ZNF28: variants seen among roughly 807,000 people sequenced by gnomAD.
ZNF28 encodes the protein zinc finger protein 28.
In ZNF28, 5 loss-of-function variants were observed where a neutral mutation model predicts 7.2. That is an observed-to-expected ratio of 0.70 (90% CI 0.36 to 1.46). The LOEUF is 1.46. ZNF28 is among the 40% of genes most tolerant of loss of function. The pLI is 0.03. For synonymous variants in ZNF28, 288 were observed against 292.4 expected (o/e 0.99, Z 0.15); for missense variants, 879 against 866.6 (o/e 1.01, Z -0.18).
chr19:52,800,256 T>G lies in ZNF28; in HGVS notation c.1589A>C (p.Lys530Thr). The change falls in exon 4 of 4, where the codon AAG (lysine) becomes ACG (threonine). Residue 530 changes from lysine (K) to threonine (T), a missense_variant. Physicochemically the swap from Lys to Thr is moderately conservative, Grantham distance 78. Around this residue, in one of 2 missense-constraint regions of ZNF28, gnomAD observed 864 missense variants for 830.2 expected, o/e 1.04. Transcript: ENST00000457749. ...AAGGTTTGCTTTTGTACTAAAAACC[T>G]TGCCACATTCATTACACATGTATGG... ...EKPYMCNECG[K>T]VFSTKANLAC... 6.2e-7 allele frequency: 1 copy of G among 1,613,646 alleles called. No individual in the cohort carries two copies. The highest frequency in any genetic ancestry group is 8.5e-7 in the Non-Finnish European group (1 of 1,179,842).
At chr19:52,810,249 C>A in intron 2 of ZNF28, 1 of 1,279,896 alleles carries the variant, frequency 7.8e-7, no homozygotes, top group Non-Finnish European at 1.1e-6. Flanking sequence ...GAGTCTACCT[C>A]CAGGCAATGC....
intron 3 of ZNF28, among the ~76,000 whole-genome samples, chr19:52,802,114 T>C (rs1003825010): frequency 6.6e-6 from 1 of 152,236 alleles, no homozygotes; most frequent in African/African-American, 2.4e-5. Flanking sequence ...TATACTATAT[T>C]GGTAAATAAT....
At chr19:52,807,659 C>G (rs745722080) in intron 3 of ZNF28, among the ~76,000 whole-genome samples, 2 of 152,128 alleles carry the variant, frequency 1.3e-5, no homozygotes, top group Admixed American at 6.6e-5. Context: ...ATTTTTAGTA[C>G]AGACAGGGTT....
chr19:52,817,153 G>A (rs1359460584), intron 2 of ZNF28, among the ~76,000 whole-genome samples: 1 of 151,986 alleles, frequency 6.6e-6, no homozygotes, highest in African/African-American at 2.4e-5. Flanking sequence ...TAGGCGGATC[G>A]CCTGAGGTCG....
At chr19:52,809,808 A>C (rs1163940455) in intron 2 of ZNF28, 1 of 414,844 alleles carries the variant, frequency 2.4e-6, no homozygotes, top group South Asian at 2.9e-5. Flanking sequence ...AAAGGAGCCC[A>C]GTCTGAGCGG....
intron 1 of ZNF28, among the ~76,000 whole-genome samples, chr19:52,819,025 T>C (rs28386815): frequency 0.56 from 75,650 of 135,746 alleles, 24,478 homozygotes; most frequent in Non-Finnish European, 0.68. Flanking sequence ...TGAGCCTAGA[T>C]CTGAAGGAGA....
intron 2 of ZNF28, among the ~76,000 whole-genome samples, chr19:52,816,684 T>G: frequency 8.4e-6 from 1 of 119,294 alleles, no homozygotes. Context: ...AAAAAAAAAT[T>G]AGTTGGGGAT....
rs2063124959 is a variant in ZNF28, at chr19:52,816,447, G to A, written c.15+1497C>T. 1.4e-5 allele frequency among the ~76,000 whole-genome samples: 2 copies of A among 145,524 alleles called. 1 individual carries two copies. The highest frequency in any genetic ancestry group is 1.4e-4 in the Admixed American group (2 of 14,448). ...TGGGAGGCTGAGGTGGGAGGATAAC[G>A]AGGTCAGGAGATTGAGACCATCCTG... On this transcript the variant is annotated intron_variant, in intron 2 of 3. Coordinates refer to ENST00000457749, the MANE Select transcript of ZNF28 (RefSeq NM_006969.5).
rs745375611 is a variant in ZNF28, at chr19:52,800,389, T to C, written c.1456A>G (p.Arg486Gly). Residue 486 changes from arginine to glycine, a missense_variant, in exon 4 of 4, where the codon AGG (arginine) becomes GGG (glycine). Around this residue, in one of 2 missense-constraint regions of ZNF28, gnomAD observed 864 missense variants for 830.2 expected, o/e 1.04. Transcript: ENST00000457749. ...GGTTTCTCTCCAGTATGAATCCTCC[T>C]ATGTCTTTCAAGGTGTGATTTGCAC... Reference protein sequence around the residue: ...FRCKSHLERHRRIHTGEKPYK... With the variant: ...FRCKSHLERHGRIHTGEKPYK... 1.2e-6 allele frequency: 2 copies of C among 1,613,978 alleles called. No homozygotes were observed. The highest frequency in any genetic ancestry group is 1.7e-6 in the Non-Finnish European group (2 of 1,179,864).
Position 52,799,457 on chromosome 19 carries a change from A to T in ZNF28, c.*231T>A. 1.2e-6 allele frequency: 1 copy of T among 840,642 alleles called. No individual in the cohort carries two copies. Among genetic ancestry groups the T allele is most frequent in the Non-Finnish European group, 1.9e-6 (1 of 519,684 alleles). The allele number at this position is 840,642 out of a possible 1,614,324, so 52.1% of individuals were successfully genotyped here. On this transcript the variant is annotated 3_prime_UTR_variant, in exon 4 of 4. Coordinates refer to ENST00000457749, the MANE Select transcript of ZNF28 (RefSeq NM_006969.5). ...ATTTGTAAAGTTTCTCTGCAGTATG[A>T]ATTCTATGATGACGTGCAAGGGTTG...
Position 52,800,784 on chromosome 19 carries a change from G to T in ZNF28, c.1061C>A (p.Pro354His). 3.7e-6 allele frequency: 6 copies of T among 1,614,034 alleles called. No individual in the cohort carries two copies. Among genetic ancestry groups the T allele is most frequent in the Non-Finnish European group, 5.1e-6 (6 of 1,179,994 alleles). The change falls in exon 4 of 4, where the codon CCT becomes CAT. Residue 354 changes from proline to histidine, a missense_variant. By Grantham distance (77) the Pro-to-His change is moderately conservative. Around this residue, in one of 2 missense-constraint regions of ZNF28, gnomAD observed 864 missense variants for 830.2 expected, o/e 1.04. Transcript: ENST00000457749. ...CTTGCCACATTCATTACACTTGTAA[G>T]GTTTCTCTCCAGTGTGAATTATAGT... ...KHTIIHTGEK[P>H]YKCNECGKVF...
chr19:52,809,891 G>C (rs556427442), intron 2 of ZNF28: 4 of 791,538 alleles, frequency 5.1e-6, no homozygotes, highest in African/African-American at 3.4e-5. Context: ...GATCCAGGCC[G>C]GGGCGGCGCC....
intron 1 of ZNF28, among the ~76,000 whole-genome samples, chr19:52,818,542 G>A (rs1019569297): frequency 6.8e-6 from 1 of 147,112 alleles, no homozygotes; most frequent in Non-Finnish European, 1.5e-5. Flanking sequence ...GTGAAACCCT[G>A]TCTCTACTAA....
Position 52,800,713 on chromosome 19 carries a change from T to G in ZNF28, c.1132A>C (p.Thr378Pro). ...TCACATTCATAAGGTTTCTCTCCAG[T>G]ATGAAGCCTACGATGGCGTGCAAGG... The part of the protein sequence containing the change: ...STLARHRRLH[T>P]GEKPYECEEC... The change falls in exon 4 of 4, where the codon ACT becomes CCT. Residue 378 changes from threonine to proline, a missense_variant. Thr to Pro is a conservative substitution (Grantham distance 38). Around this residue, in one of 2 missense-constraint regions of ZNF28, gnomAD observed 864 missense variants for 830.2 expected, o/e 1.04. Transcript: ENST00000457749. 6.2e-7 allele frequency: 1 copy of G among 1,613,960 alleles called. No homozygotes were observed. Among genetic ancestry groups the G allele is most frequent in the Non-Finnish European group, 8.5e-7 (1 of 1,179,984 alleles).
chr19:52,801,848 T>C (rs2062876657), intron 3 of ZNF28, 146 bp from the exon 4 acceptor site: 3 of 766,406 alleles, frequency 3.9e-6, no homozygotes, highest in Non-Finnish European at 6.1e-6. Flanking sequence ...AGGAGTAAGA[T>C]TCTTTAATAA....
chr19:52,815,637 C>G (rs901520016), intron 2 of ZNF28, among the ~76,000 whole-genome samples: 1 of 146,148 alleles, frequency 6.8e-6, no homozygotes, highest in Non-Finnish European at 1.5e-5. Flanking sequence ...ATCCTGGCTA[C>G]CACAATGAAA....
At position 52,800,230 on chromosome 19, in the gene ZNF28, C is replaced by G. The variant is rs147691299; in HGVS notation, c.1615G>C (p.Ala539Pro). ...GKVFSTKANLACHHKLHTAEK... is the reference protein window; with the variant it reads ...GKVFSTKANLPCHHKLHTAEK... Reference sequence around the variant, plus strand: ...GCAGTATGAAGTTTATGATGACATGCAAGGTTTGCTTTTGTACTAAAAACC... The same window carrying G: ...GCAGTATGAAGTTTATGATGACATGGAAGGTTTGCTTTTGTACTAAAAACC... Residue 539 changes from alanine (A) to proline (P), a missense_variant, in exon 4 of 4, where the codon GCA becomes CCA. Ala to Pro is a conservative substitution (Grantham distance 27). This residue lies in a region of ZNF28 where 864 missense variants were observed against 830.2 expected (regional missense o/e 1.04). Transcript: ENST00000457749. 1.2e-5 allele frequency: 19 copies of G among 1,613,010 alleles called. No homozygotes were observed. The African/African-American group carries it at 1.6e-4, about 14-fold the overall frequency.
intron 1 of ZNF28, among the ~76,000 whole-genome samples, chr19:52,821,185 C>CAG (rs377027319): frequency 0.098 from 14,876 of 151,442 alleles, 790 homozygotes; most frequent in South Asian, 0.19. Flanking sequence ...ATCCCAGGAC[C>CAG]ACAGAACGCA....
rs147677576 is a variant in ZNF28 at position 52,801,078 on chromosome 19, C to T, written c.767G>A (p.Arg256Gln). The change falls in exon 4 of 4, where the codon CGA becomes CAA. Residue 256 changes from arginine to glutamine, a missense_variant. Arg to Gln is a conservative substitution (Grantham distance 43). Transcript: ENST00000457749. ...DVYGKVFNQKRYLACHRRSHI... is the reference protein window; with the variant it reads ...DVYGKVFNQKQYLACHRRSHI... Reference sequence around the variant, plus strand: ...AGATCTACGATGGCATGCAAGGTATCGCTTCTGATTAAATACCTTGCCATA... The same window carrying T: ...AGATCTACGATGGCATGCAAGGTATTGCTTCTGATTAAATACCTTGCCATA... The T allele has an allele frequency of 4.8e-5, 77 of 1,614,096 alleles. No homozygotes were observed. The African/African-American group carries it at 5.5e-4, about 11-fold the overall frequency.
Sources: allele counts gnomAD v4.1 joint callset (sites outside exome capture counted in the v4.1 genomes callset), GRCh38; gene constraint gnomAD v4.1.1; regional missense constraint gnomAD v4.1.1; transcripts MANE v1.5; gene names NCBI Gene and HGNC (gene_info 2026-07-23, HGNC 2026-07-21).